ZFAND3: variants seen among roughly 807,000 people sequenced by gnomAD.
ZFAND3 encodes zinc finger AN1-type containing 3.
ZFAND3 carries 10 observed loss-of-function variants against 29.6 expected under a neutral mutation model. That is an observed-to-expected ratio of 0.34 (90% confidence interval 0.21 to 0.57). The LOEUF is 0.57. ZFAND3 is among the 20% of genes least tolerant of loss of function. The pLI is 0.86. For missense variants in ZFAND3, 230 were observed against 304.5 expected (o/e 0.76, Z 1.82); for synonymous variants, 128 against 112.6 (o/e 1.14, Z -0.87).
chr6:38,014,223 A>T (rs937798762), intron 2 of ZFAND3, among the ~76,000 whole-genome samples: 3 of 152,286 alleles, frequency 2.0e-5, no homozygotes, highest in Middle Eastern at 3.4e-3. Context: ...AAACTTTTTA[A>T]AAGTTTTGTT....
At chr6:38,009,810 T>C (rs1437302836) in intron 2 of ZFAND3, among the ~76,000 whole-genome samples, 1 of 152,228 alleles carries the variant, frequency 6.6e-6, no homozygotes, top group Non-Finnish European at 1.5e-5. Context: ...AAACAGTATG[T>C]AGCCACTTGC....
intron 2 of ZFAND3, among the ~76,000 whole-genome samples, chr6:37,934,808 C>G (rs1198709913): frequency 1.7e-5 from 2 of 117,316 alleles, no homozygotes; most frequent in African/African-American, 6.5e-5. Flanking sequence ...CACTGCATTC[C>G]AGCCTGGGCA....
chr6:38,027,420 A>T (rs1763471946), intron 2 of ZFAND3, among the ~76,000 whole-genome samples: 1 of 152,216 alleles, frequency 6.6e-6, no homozygotes, highest in African/African-American at 2.4e-5. Context: ...TTCTAAGGTT[A>T]CCTTTTCCTT....
At chr6:37,888,896 G>A (rs1336553490) in intron 1 of ZFAND3, among the ~76,000 whole-genome samples, 1 of 152,202 alleles carries the variant, frequency 6.6e-6, no homozygotes, top group Non-Finnish European at 1.5e-5. Flanking sequence ...TAAAAATGCT[G>A]CAGCAGTATA....
chr6:38,137,686 C>G (rs1765868626), intron 5 of ZFAND3, among the ~76,000 whole-genome samples: 2 of 151,938 alleles, frequency 1.3e-5, no homozygotes. Flanking sequence ...AAAGGGGGAG[C>G]TGCAAATAGG....
At chr6:37,949,062 T>C (rs777714971) in intron 2 of ZFAND3, among the ~76,000 whole-genome samples, 2 of 152,196 alleles carry the variant, frequency 1.3e-5, no homozygotes, top group Non-Finnish European at 2.9e-5. Context: ...GTGGCGGTAC[T>C]AATTTACTTT....
At chr6:37,824,473 GGATGGAA>G (rs1284178862) in intron 1 of ZFAND3, among the ~76,000 whole-genome samples, 1 of 152,132 alleles carries the variant, frequency 6.6e-6, no homozygotes, top group African/African-American at 2.4e-5. Flanking sequence ...AGGGTAATTA[GGATGGAA>G]GATGGAATTG....
intron 4 of ZFAND3, among the ~76,000 whole-genome samples, chr6:38,102,268 G>A (rs1310593962): frequency 2.0e-5 from 3 of 152,156 alleles, no homozygotes; most frequent in African/African-American, 7.2e-5. Context: ...TTTGGAAGAT[G>A]AGAAACACTC....
At chr6:38,032,691 T>C (rs1476636526) in intron 2 of ZFAND3, among the ~76,000 whole-genome samples, 1 of 152,070 alleles carries the variant, frequency 6.6e-6, no homozygotes, top group African/African-American at 2.4e-5. Context: ...CTAATAACTG[T>C]GGAGGGGAAT....
Position 37,961,262 on chromosome 6 carries a change from C to T in ZFAND3, c.112+31263C>T, listed in dbSNP as rs150807157. Among the ~76,000 whole-genome samples the T allele has an allele frequency of 2.1e-3, 314 of 152,286 alleles. 1 individual carries two copies. The highest frequency in any genetic ancestry group is 0.02 in the Middle Eastern group (6 of 294). On this transcript the variant is annotated intron_variant, in intron 2 of 5. Transcript: ENST00000287218. ...TATCAGTGGACACGAGGTGAGGCTC[C>T]TCTGCCTTTGGAAAGGGGAGGGAAG...
intron 2 of ZFAND3, among the ~76,000 whole-genome samples, chr6:37,946,448 T>C (rs1761903196): frequency 6.6e-6 from 1 of 152,226 alleles, no homozygotes; most frequent in African/African-American, 2.4e-5. Flanking sequence ...GCAACAACCT[T>C]AGAAAAGTAA....
chr6:37,899,819 TC>T (rs1421850731), intron 1 of ZFAND3, among the ~76,000 whole-genome samples: 4 of 152,216 alleles, frequency 2.6e-5, no homozygotes, highest in Non-Finnish European at 5.9e-5. Context: ...CGTTCACAGT[TC>T]CATTACCCCG....
At chr6:38,020,611 C>T (rs1763332440) in intron 2 of ZFAND3, among the ~76,000 whole-genome samples, 1 of 152,174 alleles carries the variant, frequency 6.6e-6, no homozygotes, top group Admixed American at 6.5e-5. Context: ...TAAAATTCTT[C>T]CTCCTTAAAG....
chr6:37,971,831 GAAAAA>G (rs5875604), intron 2 of ZFAND3, among the ~76,000 whole-genome samples: 3 of 117,884 alleles, frequency 2.5e-5, no homozygotes, highest in Admixed American at 8.8e-5. Flanking sequence ...TGTACAAAAT[GAAAAA>G]AAAAAAAAAA....
chr6:38,051,703 G>A (rs766390829), intron 2 of ZFAND3, among the ~76,000 whole-genome samples: 27 of 152,198 alleles, frequency 1.8e-4, no homozygotes, highest in African/African-American at 5.3e-4. Context: ...GTATATATGC[G>A]CACACAGCAT....
intron 1 of ZFAND3, among the ~76,000 whole-genome samples, chr6:37,896,962 T>C (rs2127399297): frequency 6.6e-6 from 1 of 152,262 alleles, no homozygotes; most frequent in South Asian, 2.1e-4. Context: ...GGTAAGTTTT[T>C]TTTCCCTAGA....
chr6:37,828,472 A>T (rs545357979), intron 1 of ZFAND3, among the ~76,000 whole-genome samples: 1 of 152,342 alleles, frequency 6.6e-6, no homozygotes, highest in South Asian at 2.1e-4. Context: ...ACGATGAGAC[A>T]CATAAAGTAC....
intron 1 of ZFAND3, among the ~76,000 whole-genome samples, chr6:37,833,925 T>C (rs1458092673): frequency 6.6e-6 from 1 of 152,064 alleles, no homozygotes; most frequent in Non-Finnish European, 1.5e-5. Context: ...ATATACCCTT[T>C]AACTGTCTAC....
chr6:38,138,420 T>TC (rs1249066705), intron 5 of ZFAND3, among the ~76,000 whole-genome samples: 1 of 151,834 alleles, frequency 6.6e-6, no homozygotes, highest in Non-Finnish European at 1.5e-5. Flanking sequence ...CAGGTCAATT[T>TC]TTTTTTTTTA....
Sources: gnomAD v4.1 joint callset for allele counts (sites outside exome capture counted in the v4.1 genomes callset) on GRCh38, gnomAD v4.1.1 for gene constraint, MANE v1.5 for transcripts, NCBI Gene and HGNC (gene_info 2026-07-23, HGNC 2026-07-21) for gene names.